FAM107B: variants seen among roughly 807,000 people sequenced by gnomAD.
The protein encoded by FAM107B is protein FAM107B.
Under a neutral mutation model 31.5 loss-of-function variants are expected in FAM107B, and 21 were observed. That is an observed-to-expected ratio of 0.67 (90% CI 0.47 to 0.96). FAM107B has a LOEUF of 0.96. Among genes scored for constraint, FAM107B ranks in the 40% least tolerant of loss-of-function variants. The pLI, the probability that FAM107B is intolerant of heterozygous loss-of-function variation, is 0.00. For synonymous variants in FAM107B, 157 were observed against 141.5 expected (o/e 1.11, Z -0.78); for missense variants, 452 against 377.1 (o/e 1.20, Z -1.64).
chr10:14,659,554 C>T (rs1253844913), intron 2 of FAM107B, among the ~76,000 whole-genome samples: 1 of 152,184 alleles, frequency 6.6e-6, no homozygotes, highest in Non-Finnish European at 1.5e-5. Context: ...TTCTCACCTT[C>T]CTACCTCAAC....
chr10:14,532,708 A>G (rs1159972551), intron 2 of FAM107B: 1 of 152,272 alleles, frequency 6.6e-6, no homozygotes, highest in Non-Finnish European at 1.5e-5. Context: ...CTCAGCCACA[A>G]GTGTCTGAAA....
At chr10:14,524,263 G>A (rs377052929) in intron 3 of FAM107B, among the ~76,000 whole-genome samples, 13 of 152,064 alleles carry the variant, frequency 8.5e-5, no homozygotes, top group African/African-American at 2.7e-4. Flanking sequence ...GGCTGGTCTC[G>A]AACTCCTGAG....
chr10:14,746,037 T>C (rs1444986012), intron 1 of FAM107B, among the ~76,000 whole-genome samples: 1 of 151,776 alleles, frequency 6.6e-6, no homozygotes, highest in Non-Finnish European at 1.5e-5. Flanking sequence ...TTGATCCCTT[T>C]ACCACCATTA....
chr10:14,543,705 A>C (rs1848448382), intron 2 of FAM107B, among the ~76,000 whole-genome samples: 1 of 151,842 alleles, frequency 6.6e-6, no homozygotes, highest in African/African-American at 2.4e-5. Context: ...AAAAAAAAAA[A>C]AAAACCAAAA....
intron 1 of FAM107B, among the ~76,000 whole-genome samples, chr10:14,749,569 C>G (rs913709809): frequency 1.2e-4 from 19 of 152,202 alleles, no homozygotes; most frequent in Non-Finnish European, 2.6e-4. Flanking sequence ...AATAATGTAA[C>G]AGCCTTACTA....
At chr10:14,573,894 A>T (rs574258899) in intron 2 of FAM107B, among the ~76,000 whole-genome samples, 1 of 152,126 alleles carries the variant, frequency 6.6e-6, no homozygotes, top group African/African-American at 2.4e-5. Flanking sequence ...CATTGTGGAT[A>T]CATGATATAA....
intron 1 of FAM107B, among the ~76,000 whole-genome samples, chr10:14,702,514 T>C (rs1469368648): frequency 6.6e-6 from 1 of 152,100 alleles, no homozygotes; most frequent in Non-Finnish European, 1.5e-5. Context: ...ACCCAAATAC[T>C]TTTTTTGTAT....
chr10:14,626,535 G>C (rs1293671604), intron 2 of FAM107B, among the ~76,000 whole-genome samples: 1 of 125,348 alleles, frequency 8.0e-6, no homozygotes, highest in East Asian at 2.2e-4. Flanking sequence ...ACAGAGTCTC[G>C]CTCTGTCGCC....
At chr10:14,622,314 T>C (rs529914560) in intron 2 of FAM107B, among the ~76,000 whole-genome samples, 1 of 151,014 alleles carries the variant, frequency 6.6e-6, no homozygotes, top group Non-Finnish European at 1.5e-5. Context: ...AGAGATTTTT[T>C]TTTTTTTTTT....
intron 2 of FAM107B, among the ~76,000 whole-genome samples, chr10:14,548,107 C>G (rs533275823): frequency 1.3e-5 from 2 of 152,334 alleles, no homozygotes; most frequent in South Asian, 4.1e-4. Context: ...GTCAGCAAGA[C>G]CAGGACCCAC....
rs1413562993 is a variant in FAM107B, at chr10:14,519,454, C to T, written c.*1736G>A. On this transcript the variant is annotated 3_prime_UTR_variant, in exon 5 of 5. Transcript: ENST00000181796. ...ATCACACTTCCTTCTCTCAAAAGAACGATGGGAAAAAATAGTTACCATTCC... is the reference window on the plus strand; with the variant it reads ...ATCACACTTCCTTCTCTCAAAAGAATGATGGGAAAAAATAGTTACCATTCC... 1 of 152,040 alleles carries T rather than the reference C, an allele frequency of 6.6e-6. No individual in the cohort carries two copies. The highest frequency in any genetic ancestry group is 2.4e-5 in the African/African-American group (1 of 41,392). 9.4% of individuals were successfully genotyped at this position (152,040 alleles called of 1,614,324 possible).
chr10:14,542,816 T>C (rs1167363251), intron 2 of FAM107B: 3 of 152,226 alleles, frequency 2.0e-5, no homozygotes, highest in African/African-American at 7.2e-5. Context: ...GTAACATTAA[T>C]TGCTGTGTAT....
rs1050975019 is a variant in FAM107B at position 14,576,818 on chromosome 10, A to G, written c.470-46303T>C. Among the ~76,000 whole-genome samples the G allele has an allele frequency of 4.6e-5, 7 of 152,222 alleles. No individual in the cohort carries two copies. In the East Asian group the frequency reaches 1.3e-3, roughly 29 times the overall value. ...TTTATTAGAAAAGTTGAGAATACCA[A>G]TGAAAACCTAGTTAAGAACAGAAAT... On this transcript the variant is annotated intron_variant, in intron 2 of 4. Transcript: ENST00000181796.
At chr10:14,601,530 C>T (rs894956906) in intron 2 of FAM107B, among the ~76,000 whole-genome samples, 1 of 152,116 alleles carries the variant, frequency 6.6e-6, no homozygotes, top group East Asian at 1.9e-4. Context: ...CACACTCGAC[C>T]CCATGATGCA....
At chr10:14,612,829 C>A (rs1425702279) in intron 2 of FAM107B, among the ~76,000 whole-genome samples, 12 of 152,054 alleles carry the variant, frequency 7.9e-5, no homozygotes. Flanking sequence ...GGAGACATAA[C>A]TGTAGATACC....
intron 2 of FAM107B, among the ~76,000 whole-genome samples, chr10:14,534,586 C>T (rs779498728): frequency 6.6e-6 from 1 of 152,206 alleles, no homozygotes; most frequent in Non-Finnish European, 1.5e-5. Context: ...TTCCCTCCAC[C>T]AGCATGCTTA....
chr10:14,714,860 T>A (rs1421728336), intron 1 of FAM107B, among the ~76,000 whole-genome samples: 1 of 152,166 alleles, frequency 6.6e-6, no homozygotes, highest in Non-Finnish European at 1.5e-5. Flanking sequence ...TAGTGTGGCA[T>A]TAAATTTTTA....
chr10:14,637,013 T>G (rs1853516483), intron 2 of FAM107B, among the ~76,000 whole-genome samples: 1 of 152,190 alleles, frequency 6.6e-6, no homozygotes, highest in African/African-American at 2.4e-5. Context: ...GAAGTCATTA[T>G]ACTCTATAGG....
chr10:14,686,392 C>CA lies in FAM107B; in HGVS notation c.412-18702dup, dbSNP rs61066393. The stretch of plus-strand genomic sequence containing the variant: ...CGACAGAGCAAGACTCTGCATGTCT[C>CA]AAAAAAAAAAAAAAAAGTGTGGTGG... On this transcript the variant is annotated intron_variant, in intron 1 of 4. Transcript: ENST00000181796. Among the ~76,000 whole-genome samples the CA allele has an allele frequency of 9.6e-3, 1,210 of 125,692 alleles. 16 individuals are homozygous for CA. The highest frequency in any genetic ancestry group is 0.054 in the East Asian group (242 of 4,490). The allele number at this position is 125,692 out of a possible 152,430, so 82.5% of individuals were successfully genotyped here. A position where few individuals can be genotyped will look rare whatever the true frequency, so the allele number is the denominator to read the frequency against.
Sources: gnomAD v4.1 joint callset for allele counts (sites outside exome capture counted in the v4.1 genomes callset) on GRCh38, gnomAD v4.1.1 for gene constraint, MANE v1.5 for transcripts, NCBI Gene and HGNC (gene_info 2026-07-23, HGNC 2026-07-21) for gene names.